The following SUN5 variants were observed in gnomAD, a reference collection of about 807,000 sequenced individuals.
The protein encoded by SUN5 is SUN domain-containing protein 5.
Under a neutral mutation model 53.7 loss-of-function variants are expected in SUN5, and 44 were observed. The ratio of observed to expected loss-of-function variants is 0.82; its 90% CI spans 0.64 to 1.05. The LOEUF (loss-of-function observed/expected upper bound fraction) is 1.05. SUN5 is among the 50% of genes least tolerant of loss of function. SUN5 has a pLI of 0.00. For missense variants in SUN5, 433 were observed against 483.8 expected (o/e 0.90, Z 0.98); for synonymous variants, 166 against 179.8 (o/e 0.92, Z 0.62).
chr20:33,002,831 GA>G, intron 2 of SUN5, 29 bp downstream of exon 2: 1 of 1,613,638 alleles, frequency 6.2e-7, no homozygotes, highest in African/African-American at 1.3e-5. Context: ...AGCTGCCCAT[GA>G]AAATACCAGG....
At chr20:32,999,950 C>T (rs1407740111) in intron 5 of SUN5, 124 bp downstream of exon 5, 1 of 1,553,976 alleles carries the variant, frequency 6.4e-7, no homozygotes, top group Non-Finnish European at 8.7e-7. Flanking sequence ...CTCACAGCAA[C>T]ACCCATCAGG....
chr20:32,995,813 T>C, intron 7 of SUN5, 86 bp from the exon 8 acceptor site: 1 of 1,244,498 alleles, frequency 8.0e-7, no homozygotes, highest in Non-Finnish European at 1.2e-6. Flanking sequence ...TAGTTGGCTC[T>C]CAAAGAATGA....
At position 33,003,971 on chromosome 20, in the gene SUN5, G is replaced by A. The variant is rs1037614994; in HGVS notation, c.77+293C>T. On this transcript the variant is annotated intron_variant, in intron 1 of 12. Coordinates refer to ENST00000356173, the MANE Select transcript of SUN5 (RefSeq NM_080675.4). ...TCATACCAGTCTCCTGCACTAGACCGTGAGCTCCATGAGGGAACGGAGCAC... is the reference window on the plus strand; with the variant it reads ...TCATACCAGTCTCCTGCACTAGACCATGAGCTCCATGAGGGAACGGAGCAC... Among the ~76,000 whole-genome samples, 6 of 152,346 alleles carry A rather than the reference G, an allele frequency of 3.9e-5. 1 individual carries two copies. Among genetic ancestry groups the A allele is most frequent in the African/African-American group, 1.2e-4 (5 of 41,576 alleles).
chr20:32,989,415 C>T (rs1989645953), intron 9 of SUN5, among the ~76,000 whole-genome samples: 1 of 147,474 alleles, frequency 6.8e-6, no homozygotes, highest in Non-Finnish European at 1.5e-5. Context: ...TGTTCCCTCC[C>T]ACCCCACCCC....
chr20:32,990,623 A>G (rs1989686019), intron 8 of SUN5, among the ~76,000 whole-genome samples: 1 of 152,208 alleles, frequency 6.6e-6, no homozygotes, highest in South Asian at 2.1e-4. Flanking sequence ...TGTTGAGAGG[A>G]AGCCCAGGCC....
chr20:32,998,536 G>A (rs766500966), intron 5 of SUN5, among the ~76,000 whole-genome samples: 3 of 152,080 alleles, frequency 2.0e-5, no homozygotes, highest in African/African-American at 7.2e-5. Context: ...AACCCTCAAC[G>A]AACTAGGAAT....
intron 8 of SUN5, among the ~76,000 whole-genome samples, chr20:32,993,130 G>A (rs918829958): frequency 1.3e-5 from 2 of 152,154 alleles, no homozygotes; most frequent in African/African-American, 4.8e-5. Flanking sequence ...CAAACAACAG[G>A]AGCTTCAAAA....
intron 6 of SUN5, among the ~76,000 whole-genome samples, chr20:32,996,757 A>T (rs1296075454): frequency 6.6e-6 from 1 of 151,600 alleles, no homozygotes; most frequent in Non-Finnish European, 1.5e-5. Flanking sequence ...TCTTGCATCC[A>T]CCCATCATTT....
At chr20:33,003,039 C>G (rs1208932722) in intron 1 of SUN5, 120 bp from the exon 2 acceptor site, 19 of 1,144,760 alleles carry the variant, frequency 1.7e-5, no homozygotes, top group Non-Finnish European at 2.4e-5. Context: ...CCCAACACCA[C>G]CAGCCTGTGA....
Position 33,002,577 on chromosome 20 carries a change from A to G in SUN5, c.211+10T>C. The G allele has an allele frequency of 1.9e-6, 3 of 1,613,956 alleles. No individual in the cohort carries two copies. Among genetic ancestry groups the G allele is most frequent in the African/African-American group, 1.3e-5 (1 of 75,048 alleles). ...TTGATGACGAAGGTGATTATTCAGT[A>G]TATACGTACACACACATCCCAGCAT... is the stretch of plus-strand genomic sequence containing the variant. On this transcript the variant is annotated intron_variant, in intron 3 of 12. Transcript: ENST00000356173.
chr20:32,984,000 C>T (rs748824183), intron 12 of SUN5, 51 bp from the exon 13 acceptor site: 1 of 1,458,346 alleles, frequency 6.9e-7, no homozygotes, highest in African/African-American at 1.4e-5. Flanking sequence ...TCCCACCCTG[C>T]CTTTCCAAAG....
intron 4 of SUN5, among the ~76,000 whole-genome samples, chr20:33,000,620 A>G (rs938828883): frequency 3.3e-5 from 5 of 152,136 alleles, no homozygotes; most frequent in Admixed American, 6.6e-5. Flanking sequence ...CGGAAGGCTG[A>G]GGTGGGAGGA....
At chr20:32,993,650 G>C (rs1195031642) in intron 8 of SUN5, among the ~76,000 whole-genome samples, 1 of 152,208 alleles carries the variant, frequency 6.6e-6, no homozygotes, top group Non-Finnish European at 1.5e-5. Flanking sequence ...AAGTCCCTTT[G>C]AGGGAGGGCA....
intron 9 of SUN5, among the ~76,000 whole-genome samples, chr20:32,989,118 G>A (rs1018977744): frequency 1.3e-5 from 2 of 151,536 alleles, no homozygotes; most frequent in African/African-American, 4.9e-5. Context: ...GTAGAGACGG[G>A]GTTTCACCGT....
Position 33,001,570 on chromosome 20 carries a change from C to CTTTCTTTCTTTT in SUN5, c.212-293_212-292insAAAAGAAAGAAA, listed in dbSNP as rs750352057. Among the ~76,000 whole-genome samples, 156 of 71,414 alleles carry CTTTCTTTCTTTT rather than the reference C, an allele frequency of 2.2e-3. 2 individuals carry two copies. The highest frequency in any genetic ancestry group is 4.4e-3 in the African/African-American group (70 of 15,774). 46.9% of individuals were successfully genotyped at this position (71,414 alleles called of 152,430 possible). A position where few individuals can be genotyped will look rare whatever the true frequency, so the allele number is the denominator to read the frequency against. Reference sequence around the variant, plus strand: ...TCTTTCTTTCTTTCTTTCTTTTCTTCCTTCCTTCCTTTCTTTCTTTTTTCT... The same window carrying CTTTCTTTCTTTT: ...TCTTTCTTTCTTTCTTTCTTTTCTTCTTTCTTTCTTTTCTTCCTTCCTTTCTTTCTTTTTTCT... On this transcript the variant is annotated intron_variant, in intron 3 of 12. Transcript: ENST00000356173.
chr20:32,999,357 G>A (rs1336389102), intron 5 of SUN5, among the ~76,000 whole-genome samples: 1 of 152,160 alleles, frequency 6.6e-6, no homozygotes, highest in African/African-American at 2.4e-5. Flanking sequence ...CACTTTGGGA[G>A]GCCAAGGTGG....
At chr20:33,001,427 T>G in intron 3 of SUN5, 149 bp from the exon 4 acceptor site, 2 of 821,694 alleles carry the variant, frequency 2.4e-6, no homozygotes, top group Non-Finnish European at 3.9e-6. Context: ...AACCAGGCTC[T>G]GCTTATGGGT....
intron 3 of SUN5, among the ~76,000 whole-genome samples, chr20:33,001,570 C>CTTTCTTTT (rs750352057): frequency 5.3e-4 from 38 of 71,436 alleles, no homozygotes; most frequent in African/African-American, 1.5e-3. Flanking sequence ...TTCTTTTCTT[C>CTTTCTTTT]CTTCCTTCCT....
At position 32,992,959 on chromosome 20, in the gene SUN5, C is replaced by T. The variant is rs145440407; in HGVS notation, c.534+2660G>A. Among the ~76,000 whole-genome samples, 13 of 152,238 alleles carry T rather than the reference C, an allele frequency of 8.5e-5. No individual in the cohort carries two copies. The East Asian group carries it at 1.7e-3, about 20-fold the overall frequency. On this transcript the variant is annotated intron_variant, in intron 8 of 12. Coordinates refer to ENST00000356173, the MANE Select transcript of SUN5 (RefSeq NM_080675.4). ...AATTTGCATATATTTTTCATGGGAGCGTAAATTGAAAAACTATTTGGCAGC... is the reference window on the plus strand; with the variant it reads ...AATTTGCATATATTTTTCATGGGAGTGTAAATTGAAAAACTATTTGGCAGC...
Sources: allele counts gnomAD v4.1 joint callset (sites outside exome capture counted in the v4.1 genomes callset), GRCh38; gene constraint gnomAD v4.1.1; transcripts MANE v1.5; gene names NCBI Gene and HGNC (gene_info 2026-07-23, HGNC 2026-07-21).